Variants in CDH13 observed in about 807,000 individuals in gnomAD.
CDH13 encodes cadherin-13.
A neutral mutation model predicts 63.8 loss-of-function variants in CDH13; 24 were observed. The observed-to-expected ratio is 0.38, with a 90% CI of 0.27 to 0.53. The LOEUF (loss-of-function observed/expected upper bound fraction) is 0.53, where lower values mean the gene tolerates loss of function less well. CDH13 is among the 20% of genes least tolerant of loss of function. CDH13 has a pLI of 0.85. For missense variants in CDH13, 1,049 were observed against 903.1 expected (o/e 1.16, Z -2.07); for synonymous variants, 503 against 355.3 (o/e 1.42, Z -4.67).
At chr16:83,212,795 C>A (rs1453924615) in intron 4 of CDH13, among the ~76,000 whole-genome samples, 4 of 152,110 alleles carry the variant, frequency 2.6e-5, no homozygotes, top group Non-Finnish European at 5.9e-5. Context: ...TCTCCCCCTA[C>A]CCTGATTTCT....
intron 8 of CDH13, among the ~76,000 whole-genome samples, chr16:83,660,187 C>T (rs1913311208): frequency 6.6e-6 from 1 of 152,148 alleles, no homozygotes; most frequent in Non-Finnish European, 1.5e-5. Flanking sequence ...AAGCACATTA[C>T]ATTTATTGTG....
chr16:83,564,378 AG>A (rs1315770494), intron 7 of CDH13, among the ~76,000 whole-genome samples: 1 of 151,194 alleles, frequency 6.6e-6, no homozygotes, highest in African/African-American at 2.4e-5. Flanking sequence ...TTCTTGAAAA[AG>A]GTGACATATG....
intron 1 of CDH13, among the ~76,000 whole-genome samples, chr16:82,830,268 C>G (rs969524392): frequency 6.6e-6 from 1 of 152,194 alleles, no homozygotes; most frequent in Admixed American, 6.5e-5. Context: ...ATTCATTTAT[C>G]TATTCAAAAA....
rs1911016483 is a variant in CDH13, at chr16:82,653,932, CA to C, written c.45+26797del. 2.6e-5 allele frequency among the ~76,000 whole-genome samples: 4 copies of C among 152,028 alleles called. No individual in the cohort carries two copies. In the South Asian group the frequency reaches 8.3e-4, roughly 32 times the overall value. The stretch of plus-strand genomic sequence containing the variant: ...ACCACAGAGATCATGAGATATAGCA[CA>C]ACAGATAAGACTTGCTAATTAACTG... On this transcript the variant is annotated intron_variant, in intron 1 of 13. Transcript: ENST00000567109.
At position 82,992,986 on chromosome 16, in the gene CDH13, G is replaced by A. The variant is rs76805559; in HGVS notation, c.158-39024G>A. ...TCTGCCTCAGGATACTCTAAGTCTC[G>A]TGGCTGAAGCAAAGTCTTCCTTAAA... On this transcript the variant is annotated intron_variant, in intron 2 of 13. Transcript: ENST00000567109. Among the ~76,000 whole-genome samples the A allele has an allele frequency of 7.2e-5, 11 of 152,240 alleles. No homozygotes were observed. In the East Asian group the frequency reaches 9.7e-4, roughly 13 times the overall value.
intron 6 of CDH13, among the ~76,000 whole-genome samples, chr16:83,463,489 C>A (rs1210945967): frequency 6.6e-6 from 1 of 152,156 alleles, no homozygotes; most frequent in Non-Finnish European, 1.5e-5. Flanking sequence ...CACACAGGCT[C>A]TTGAAGCTTT....
At chr16:83,102,573 G>C (rs1461942439) in intron 3 of CDH13, among the ~76,000 whole-genome samples, 2 of 152,168 alleles carry the variant, frequency 1.3e-5, no homozygotes, top group Non-Finnish European at 2.9e-5. Context: ...GGTGCTAGGA[G>C]ATCGCACTGG....
intron 1 of CDH13, among the ~76,000 whole-genome samples, chr16:82,829,828 C>T (rs950021482): frequency 6.6e-6 from 1 of 152,182 alleles, no homozygotes; most frequent in Non-Finnish European, 1.5e-5. Flanking sequence ...AAGCAATAAT[C>T]TGATTCTTAA....
chr16:83,702,408 C>A (rs558486085), intron 10 of CDH13, among the ~76,000 whole-genome samples: 123 of 152,230 alleles, frequency 8.1e-4, no homozygotes, highest in African/African-American at 2.9e-3. Context: ...ATCCTTGGCA[C>A]CTTCCATTTC....
chr16:83,209,491 G>T (rs796486981), intron 4 of CDH13, among the ~76,000 whole-genome samples: 1 of 152,194 alleles, frequency 6.6e-6, no homozygotes, highest in Non-Finnish European at 1.5e-5. Context: ...GTCTGAAAAT[G>T]TGTCTCCAGG....
intron 6 of CDH13, among the ~76,000 whole-genome samples, chr16:83,377,943 T>C (rs2091487611): frequency 6.6e-6 from 1 of 152,126 alleles, no homozygotes; most frequent in Admixed American, 6.5e-5. Context: ...AGCAGACCAT[T>C]GAGGTCTTGG....
At chr16:83,650,789 CA>C (rs373690169) in intron 8 of CDH13, among the ~76,000 whole-genome samples, 13 of 152,264 alleles carry the variant, frequency 8.5e-5, no homozygotes, top group African/African-American at 3.1e-4. Flanking sequence ...AAAGAAAAAG[CA>C]GGGTGGATTC....
intron 5 of CDH13, among the ~76,000 whole-genome samples, chr16:83,315,783 G>T (rs746298275): frequency 1.2e-4 from 18 of 152,064 alleles, no homozygotes; most frequent in Non-Finnish European, 2.5e-4. Context: ...AATTATTAGT[G>T]TGCTTGTTAT....
intron 2 of CDH13, among the ~76,000 whole-genome samples, chr16:82,901,993 T>C (rs544080382): frequency 3.9e-5 from 6 of 152,352 alleles, no homozygotes; most frequent in Admixed American, 1.3e-4. Flanking sequence ...AGATTTCTTT[T>C]AGTGACTTGT....
intron 13 of CDH13, among the ~76,000 whole-genome samples, chr16:83,791,892 T>C (rs1916295685): frequency 6.6e-6 from 1 of 152,162 alleles, no homozygotes; most frequent in South Asian, 2.1e-4. Flanking sequence ...CAACGTATTG[T>C]TTGCATAAAA....
intron 3 of CDH13, among the ~76,000 whole-genome samples, chr16:83,120,036 C>T (rs1221234512): frequency 1.2e-5 from 1 of 80,916 alleles, no homozygotes; most frequent in African/African-American, 4.2e-5. Flanking sequence ...GATGTCCTGA[C>T]TTCAGTCGTT....
intron 10 of CDH13, among the ~76,000 whole-genome samples, chr16:83,720,459 G>A (rs544942713): frequency 6.6e-6 from 1 of 152,082 alleles, no homozygotes; most frequent in African/African-American, 2.4e-5. Flanking sequence ...AGAGATTAGG[G>A]GAAGTTGGGC....
At chr16:83,381,607 A>G (rs2091568399) in intron 6 of CDH13, among the ~76,000 whole-genome samples, 1 of 151,934 alleles carries the variant, frequency 6.6e-6, no homozygotes, top group South Asian at 2.1e-4. Context: ...CTTCTCCCAT[A>G]TCACCTCTAT....
At chr16:82,756,436 C>G (rs1310296815) in intron 1 of CDH13, among the ~76,000 whole-genome samples, 1 of 152,154 alleles carries the variant, frequency 6.6e-6, no homozygotes, top group Non-Finnish European at 1.5e-5. Flanking sequence ...TTAAATCCTT[C>G]TCATGTGCAA....
Sources: allele counts gnomAD v4.1 joint callset (sites outside exome capture counted in the v4.1 genomes callset), GRCh38; gene constraint gnomAD v4.1.1; transcripts MANE v1.5; gene names NCBI Gene and HGNC (gene_info 2026-07-23, HGNC 2026-07-21).